ARHGEF10L: variants seen among roughly 807,000 people sequenced by gnomAD.
The protein encoded by ARHGEF10L is Rho guanine nucleotide exchange factor 10 like.
In ARHGEF10L, 69 loss-of-function variants were observed where a neutral mutation model predicts 141.2. The observed-to-expected ratio is 0.49, with a 90% CI of 0.40 to 0.60. The LOEUF (loss-of-function observed/expected upper bound fraction) is 0.60, where lower values mean the gene tolerates loss of function less well. Ranked by LOEUF, ARHGEF10L falls within the 20% of genes least tolerant of loss-of-function variation. The pLI, the probability that ARHGEF10L is intolerant of heterozygous loss-of-function variation, is 0.00. For missense variants in ARHGEF10L, 1,482 were observed against 1,734.3 expected, an observed-to-expected ratio of 0.85 and a Z score of 2.58; for synonymous variants, 711 against 718.5, an observed-to-expected ratio of 0.99 and a Z score of 0.17.
At chr1:17,657,747 A>G (rs569739332) in intron 25 of ARHGEF10L, among the ~76,000 whole-genome samples, 11 of 152,326 alleles carry the variant, frequency 7.2e-5, no homozygotes, top group African/African-American at 2.6e-4. Flanking sequence ...GTGCATGTGA[A>G]TGTAAATATG....
chr1:17,696,212 C>A (rs373333673), intron 28 of ARHGEF10L, among the ~76,000 whole-genome samples: 545 of 127,032 alleles, frequency 4.3e-3, no homozygotes, highest in Admixed American at 4.8e-3. Flanking sequence ...GACACCATCT[C>A]AAAAAAAAAA....
At chr1:17,678,313 A>C (rs2063852196) in intron 26 of ARHGEF10L, among the ~76,000 whole-genome samples, 1 of 152,106 alleles carries the variant, frequency 6.6e-6, no homozygotes, top group Non-Finnish European at 1.5e-5. Flanking sequence ...AAACAAAAGG[A>C]AATTAAATAG....
At chr1:17,650,886 T>C (rs1418907698) in intron 22 of ARHGEF10L, among the ~76,000 whole-genome samples, 1 of 152,206 alleles carries the variant, frequency 6.6e-6, no homozygotes, top group Non-Finnish European at 1.5e-5. Flanking sequence ...TTTCAGCCGA[T>C]GTCAAAAATC....
rs1466549739 is a variant in ARHGEF10L, at chr1:17,644,762, G to A, written c.2273-3792G>A. ...AGAAGCAGGGCTGGGCCCGCGGTGG[G>A]CTCAGCTGCCCTCAGTAATAGCGAC... On this transcript the variant is annotated intron_variant, in intron 21 of 28. Coordinates refer to ENST00000361221, the MANE Select transcript of ARHGEF10L (RefSeq NM_018125.4). This position sits in a 1 kb window ranked among gnomAD's most constrained non-coding sequence, Gnocchi z 4.5. Among the ~76,000 whole-genome samples the A allele has an allele frequency of 6.6e-6, 1 of 152,178 alleles. No individual in the cohort carries two copies.
chr1:17,649,971 C>A (rs146999342), intron 22 of ARHGEF10L, among the ~76,000 whole-genome samples: 5 of 152,152 alleles, frequency 3.3e-5, no homozygotes, highest in African/African-American at 9.7e-5. Flanking sequence ...GCCTTGCAGG[C>A]TGGGTCAGCT....
intron 16 of ARHGEF10L, 130 bp from the exon 17 acceptor site, chr1:17,634,418 C>G (rs1303963932): frequency 1.3e-6 from 2 of 1,490,216 alleles, no homozygotes; most frequent in Non-Finnish European, 1.9e-6. Flanking sequence ...CCTCATTCCC[C>G]GCAGGAGGCT....
chr1:17,599,360 A>T (rs1345046649), intron 4 of ARHGEF10L, among the ~76,000 whole-genome samples: 1 of 152,050 alleles, frequency 6.6e-6, no homozygotes, highest in Non-Finnish European at 1.5e-5. Context: ...AGAAAAAAAA[A>T]ACGTGCAATT....
At chr1:17,681,544 G>A (rs189650874) in intron 26 of ARHGEF10L, among the ~76,000 whole-genome samples, 344 of 152,246 alleles carry the variant, frequency 2.3e-3, no homozygotes, top group Non-Finnish European at 4.3e-3. Flanking sequence ...CCAAGCCAGC[G>A]TCTCATAGAA....
chr1:17,557,863 G>A (rs909971398), intron 1 of ARHGEF10L, among the ~76,000 whole-genome samples: 9 of 152,232 alleles, frequency 5.9e-5, no homozygotes, highest in African/African-American at 2.2e-4. Flanking sequence ...GCAAGGAAAT[G>A]GTTGGGTCAG....
intron 18 of ARHGEF10L, among the ~76,000 whole-genome samples, chr1:17,637,633 G>T (rs1292893086): frequency 6.6e-6 from 1 of 152,076 alleles, no homozygotes; most frequent in Non-Finnish European, 1.5e-5. Flanking sequence ...TGAGTAGCTG[G>T]TACTACAGGT....
At chr1:17,638,394 G>T (rs2061141126) in intron 19 of ARHGEF10L, among the ~76,000 whole-genome samples, 168 bp from the exon 20 acceptor site, 1 of 152,214 alleles carries the variant, frequency 6.6e-6, no homozygotes. Context: ...GAAGCCTGGG[G>T]CATGGCGAGT....
intron 25 of ARHGEF10L, among the ~76,000 whole-genome samples, chr1:17,660,371 C>T (rs762402242): frequency 2.0e-5 from 3 of 152,304 alleles, no homozygotes; most frequent in Admixed American, 1.3e-4. Context: ...CCCTCTAATC[C>T]TCAGTTTCCT....
intron 1 of ARHGEF10L, among the ~76,000 whole-genome samples, chr1:17,546,775 G>A (rs963381770): frequency 2.0e-5 from 3 of 152,324 alleles, no homozygotes; most frequent in African/African-American, 7.2e-5. Flanking sequence ...GGGCAAGGAT[G>A]AGAATAGAAT....
At chr1:17,686,046 C>T (rs1227555300) in intron 26 of ARHGEF10L, among the ~76,000 whole-genome samples, 2 of 151,964 alleles carry the variant, frequency 1.3e-5, no homozygotes, top group African/African-American at 4.8e-5. Context: ...CTTCTTCCCC[C>T]AGCTTTTGGT....
At chr1:17,538,171 C>T (rs564231291), upstream of ARHGEF10L, among the ~76,000 whole-genome samples, 7 of 152,316 alleles carry the variant, frequency 4.6e-5, no homozygotes, top group East Asian at 5.8e-4. Flanking sequence ...CTGGCTATGA[C>T]GGCAGGACTC....
chr1:17,573,541 G>A lies in ARHGEF10L; in HGVS notation c.-43-7012G>A, dbSNP rs912026255. Among the ~76,000 whole-genome samples the A allele has an allele frequency of 3.9e-5, 6 of 152,142 alleles. No individual in the cohort carries two copies. The highest frequency in any genetic ancestry group is 2.6e-4 in the Admixed American group (4 of 15,284). On this transcript the variant is annotated intron_variant, in intron 1 of 28. Transcript: ENST00000361221. The surrounding 1 kb of genome is among the most constrained non-coding windows in gnomAD (Gnocchi z 4.8). ...ACTCCTTCTGCTGGGCTGGATCGCC[G>A]GGGACAAAGGGGTTAATGTGTCTGG...
chr1:17,580,674 G>C, intron 2 of ARHGEF10L, 42 bp downstream of exon 2: 1 of 1,613,596 alleles, frequency 6.2e-7, no homozygotes, highest in South Asian at 1.1e-5. Context: ...TCCTTTCTTA[G>C]AAGGGGGCCG....
At chr1:17,547,971 A>G (rs1194862628) in intron 1 of ARHGEF10L, among the ~76,000 whole-genome samples, 1 of 152,130 alleles carries the variant, frequency 6.6e-6, no homozygotes, top group East Asian at 1.9e-4. Context: ...GGCTCTTTCT[A>G]TGTTGGGCCT....
chr1:17,558,827 G>A lies in ARHGEF10L; in HGVS notation c.-44+18877G>A, dbSNP rs1342633382. On this transcript the variant is annotated intron_variant, in intron 1 of 28. Transcript: ENST00000361221. The surrounding 1 kb of genome is among the most constrained non-coding windows in gnomAD (Gnocchi z 4.2). Reference sequence around the variant, plus strand: ...GTGGCTCTGTGGGGCCACAGATAGGGTCCAGGCAGGGGACAACACTGTGCC... The same window carrying A: ...GTGGCTCTGTGGGGCCACAGATAGGATCCAGGCAGGGGACAACACTGTGCC... 6.6e-6 allele frequency among the ~76,000 whole-genome samples: 1 copy of A among 152,210 alleles called. No homozygotes were observed. The highest frequency in any genetic ancestry group is 1.5e-5 in the Non-Finnish European group (1 of 68,034).
Sources: allele counts gnomAD v4.1 joint callset (sites outside exome capture counted in the v4.1 genomes callset), GRCh38; gene constraint gnomAD v4.1.1; non-coding constraint Gnocchi (gnomAD v3.1); transcripts MANE v1.5; gene names NCBI Gene and HGNC (gene_info 2026-07-23, HGNC 2026-07-21).